FHIT: variants seen among roughly 807,000 people sequenced by gnomAD.
FHIT encodes the protein fragile histidine triad diadenosine triphosphatase, also known as bis(5'-adenosyl)-triphosphatase.
Under a neutral mutation model 17.9 loss-of-function variants are expected in FHIT, and 19 were observed. That is an observed-to-expected ratio of 1.06 (90% CI 0.74 to 1.56). FHIT has a LOEUF of 1.56. Among genes scored for constraint, FHIT ranks in the 40% most tolerant of loss-of-function variants. The probability of loss-of-function intolerance (pLI) is 0.00; values close to 1 mark genes in which losing one functional copy is unlikely to be tolerated. For synonymous variants in FHIT, 81 were observed against 69.7 expected, an observed-to-expected ratio of 1.16 and a Z score of -0.81; for missense variants, 248 against 189.2, an observed-to-expected ratio of 1.31 and a Z score of -1.82.
At chr3:59,997,257 G>C (rs1283136985) in intron 7 of FHIT, among the ~76,000 whole-genome samples, 1 of 152,120 alleles carries the variant, frequency 6.6e-6, no homozygotes, top group South Asian at 2.1e-4. Context: ...ATTCTTTAAA[G>C]GGAAAGTAAT....
chr3:60,655,438 C>T (rs373996050), intron 4 of FHIT, among the ~76,000 whole-genome samples: 61 of 152,240 alleles, frequency 4.0e-4, no homozygotes, highest in African/African-American at 1.3e-3. Context: ...CCACTGGACA[C>T]GCTGGAGGAA....
At chr3:60,953,281 C>G (rs1414428853) in intron 3 of FHIT, among the ~76,000 whole-genome samples, 5 of 152,164 alleles carry the variant, frequency 3.3e-5, no homozygotes, top group African/African-American at 1.2e-4. Context: ...TGTCTTTCCA[C>G]TAAACTATAT....
intron 3 of FHIT, among the ~76,000 whole-genome samples, chr3:61,032,883 T>C (rs986070248): frequency 1.3e-5 from 2 of 152,160 alleles, no homozygotes; most frequent in African/African-American, 4.8e-5. Flanking sequence ...GGAGGTATAG[T>C]TCCAGCCCAA....
At chr3:60,579,733 A>G (rs1206573549) in intron 4 of FHIT, among the ~76,000 whole-genome samples, 2 of 152,160 alleles carry the variant, frequency 1.3e-5, no homozygotes, top group Non-Finnish European at 2.9e-5. Flanking sequence ...TCCTGTTTCA[A>G]TTTGAGAAGG....
intron 4 of FHIT, among the ~76,000 whole-genome samples, chr3:60,795,418 T>C (rs1227571079): frequency 1.3e-5 from 2 of 152,192 alleles, no homozygotes; most frequent in Non-Finnish European, 2.9e-5. Context: ...ATACATTCCT[T>C]GAAGATTTTC....
At chr3:60,731,800 G>A (rs2042035586) in intron 4 of FHIT, among the ~76,000 whole-genome samples, 1 of 152,082 alleles carries the variant, frequency 6.6e-6, no homozygotes, top group Non-Finnish European at 1.5e-5. Flanking sequence ...TTATTTGAGA[G>A]AACCATCTTA....
At chr3:61,185,869 T>C (rs2107186430) in intron 2 of FHIT, among the ~76,000 whole-genome samples, 1 of 152,318 alleles carries the variant, frequency 6.6e-6, no homozygotes, top group Admixed American at 6.5e-5. Flanking sequence ...ATGCATTACT[T>C]TTATAATAGT....
intron 5 of FHIT, among the ~76,000 whole-genome samples, chr3:60,038,271 T>C (rs1198815762): frequency 6.6e-6 from 1 of 152,210 alleles, no homozygotes; most frequent in Non-Finnish European, 1.5e-5. Context: ...CTTTCTTACT[T>C]GATTCAACAG....
At chr3:61,009,894 G>A (rs935694822) in intron 3 of FHIT, among the ~76,000 whole-genome samples, 3 of 152,080 alleles carry the variant, frequency 2.0e-5, no homozygotes, top group Admixed American at 6.6e-5. Context: ...AGGAAATAAC[G>A]AAAAGAGCTT....
chr3:59,806,684 G>A (rs1282360015), intron 8 of FHIT, among the ~76,000 whole-genome samples: 2 of 7,918 alleles, frequency 2.5e-4, no homozygotes, highest in Non-Finnish European at 7.3e-4. Context: ...GTATATATAT[G>A]TATATACATA....
chr3:59,798,820 G>C (rs1166639491), intron 8 of FHIT, among the ~76,000 whole-genome samples: 1 of 152,228 alleles, frequency 6.6e-6, no homozygotes, highest in Non-Finnish European at 1.5e-5. Context: ...AGGATGGTTC[G>C]AAAGAGATTT....
chr3:60,777,175 T>C (rs1553724675), intron 4 of FHIT, among the ~76,000 whole-genome samples: 1 of 152,216 alleles, frequency 6.6e-6, no homozygotes, highest in Non-Finnish European at 1.5e-5. Flanking sequence ...TACAGACTTA[T>C]TGTGAGCCAC....
intron 4 of FHIT, among the ~76,000 whole-genome samples, chr3:60,789,168 A>ATG (rs1700689694): frequency 8.3e-6 from 1 of 120,928 alleles, no homozygotes; most frequent in African/African-American, 3.3e-5. Flanking sequence ...ATATATATAT[A>ATG]TATATATAGA....
At chr3:60,563,176 C>T (rs567420072) in intron 4 of FHIT, among the ~76,000 whole-genome samples, 1 of 152,112 alleles carries the variant, frequency 6.6e-6, no homozygotes, top group Non-Finnish European at 1.5e-5. Context: ...AAGGCGAGCC[C>T]GATGGGAAGC....
At chr3:60,399,672 G>A (rs1409463021) in intron 5 of FHIT, among the ~76,000 whole-genome samples, 1 of 152,118 alleles carries the variant, frequency 6.6e-6, no homozygotes, top group Non-Finnish European at 1.5e-5. Flanking sequence ...CTGACAATGA[G>A]GTGGTAATTT....
chr3:60,433,403 G>A (rs1047741989), intron 5 of FHIT, among the ~76,000 whole-genome samples: 1 of 152,024 alleles, frequency 6.6e-6, no homozygotes, highest in Non-Finnish European at 1.5e-5. Context: ...TATCCTTTGA[G>A]ATACTGATTT....
chr3:60,159,136 T>G (rs1700831636), intron 5 of FHIT, among the ~76,000 whole-genome samples: 1 of 151,852 alleles, frequency 6.6e-6, no homozygotes. Context: ...GGGGAGGGGG[T>G]TTGAAAGAGG....
chr3:59,931,619 A>C (rs1034910630), intron 7 of FHIT, among the ~76,000 whole-genome samples: 1 of 152,166 alleles, frequency 6.6e-6, no homozygotes, highest in African/African-American at 2.4e-5. Context: ...TCATGTGTTC[A>C]AAGTGTCCCA....
intron 5 of FHIT, among the ~76,000 whole-genome samples, chr3:60,431,759 C>G (rs909887498): frequency 6.6e-6 from 1 of 151,990 alleles, no homozygotes; most frequent in South Asian, 2.1e-4. Context: ...CTCTCAAACA[C>G]CCCCTTCTGG....
Sources: gnomAD v4.1 joint callset for allele counts (sites outside exome capture counted in the v4.1 genomes callset) on GRCh38, gnomAD v4.1.1 for gene constraint, MANE v1.5 for transcripts, NCBI Gene and HGNC (gene_info 2026-07-23, HGNC 2026-07-21) for gene names.